Variants in ASAP1 observed in about 807,000 individuals in gnomAD.
ASAP1 encodes ArfGAP with SH3 domain, ankyrin repeat and PH domain 1.
Under a neutral mutation model 145.2 loss-of-function variants are expected in ASAP1, and 43 were observed. The observed-to-expected ratio is 0.30, with a 90% CI of 0.23 to 0.38. The LOEUF (loss-of-function observed/expected upper bound fraction) is 0.38, where lower values mean the gene tolerates loss of function less well. Among genes scored for constraint, ASAP1 ranks in the 10% least tolerant of loss-of-function variants. The pLI, the probability that ASAP1 is intolerant of heterozygous loss-of-function variation, is 1.00. For synonymous variants in ASAP1, 546 were observed against 515.5 expected (o/e 1.06, Z -0.80); for missense variants, 1,018 against 1,355.3 (o/e 0.75, Z 3.91).
At chr8:130,228,518 C>G (rs1003111002) in intron 4 of ASAP1, among the ~76,000 whole-genome samples, 2 of 151,764 alleles carry the variant, frequency 1.3e-5, no homozygotes, top group African/African-American at 4.8e-5. Context: ...CTGGGAAACA[C>G]GGCAAAACCA....
At chr8:130,129,258 C>T (rs983367089) in intron 15 of ASAP1, among the ~76,000 whole-genome samples, 13 of 152,252 alleles carry the variant, frequency 8.5e-5, no homozygotes, top group Non-Finnish European at 1.0e-4. Context: ...ACAGTATTTC[C>T]TTATAGCAGT....
chr8:130,193,171 C>A (rs1194396141), intron 5 of ASAP1, among the ~76,000 whole-genome samples: 1 of 152,112 alleles, frequency 6.6e-6, no homozygotes, highest in Non-Finnish European at 1.5e-5. Flanking sequence ...GAGTTTGAGA[C>A]CAGCCTGGCC....
At chr8:130,214,355 TTTTC>T (rs1343717683) in intron 5 of ASAP1, among the ~76,000 whole-genome samples, 197 bp downstream of exon 5, 1 of 152,186 alleles carries the variant, frequency 6.6e-6, no homozygotes, top group African/African-American at 2.4e-5. Flanking sequence ...CACAATGGGA[TTTTC>T]TTTAAGCAAA....
chr8:130,324,058 G>C (rs1586831126), intron 3 of ASAP1, among the ~76,000 whole-genome samples: 1 of 152,264 alleles, frequency 6.6e-6, no homozygotes, highest in African/African-American at 2.4e-5. Flanking sequence ...TTCCCTGCCA[G>C]CTCTGTTAGA....
chr8:130,087,558 C>G lies in ASAP1; in HGVS notation c.2572+4415G>C, dbSNP rs575869339. On this transcript the variant is annotated intron_variant, in intron 25 of 29. Coordinates refer to ENST00000518721, the MANE Select transcript of ASAP1 (RefSeq NM_018482.4). ...GAACTTGACAGGTGGAAACCTCCAC[C>G]TGGCTGAGGAAAGAGGCTAATGTGC... Among the ~76,000 whole-genome samples, 12 of 152,192 alleles carry G rather than the reference C, an allele frequency of 7.9e-5. No homozygotes were observed. The East Asian group carries it at 2.3e-3, about 29-fold the overall frequency.
chr8:130,337,696 T>C (rs1825120423), intron 3 of ASAP1, among the ~76,000 whole-genome samples: 1 of 152,204 alleles, frequency 6.6e-6, no homozygotes, highest in African/African-American at 2.4e-5. Context: ...CCTTCTGTAA[T>C]ACATCTGTTT....
chr8:130,081,676 T>G (rs962971821), intron 25 of ASAP1, among the ~76,000 whole-genome samples: 2 of 152,146 alleles, frequency 1.3e-5, no homozygotes, highest in African/African-American at 4.8e-5. Context: ...CATCCAGCCT[T>G]CCTTCCTCAC....
At chr8:130,230,064 CAAAACAAA>C (rs1001453213) in intron 4 of ASAP1, among the ~76,000 whole-genome samples, 1 of 61,682 alleles carries the variant, frequency 1.6e-5, no homozygotes, top group African/African-American at 7.8e-5. Flanking sequence ...ATCCTGTCTC[CAAAACAAA>C]CAAACAAACA....
At chr8:130,261,744 C>T (rs1819911532) in intron 3 of ASAP1, among the ~76,000 whole-genome samples, 1 of 151,976 alleles carries the variant, frequency 6.6e-6, no homozygotes, top group Admixed American at 6.6e-5. Context: ...AGTGTGAGTG[C>T]CTACATGGAA....
rs879754231 is a variant in ASAP1, at chr8:130,072,823, G to GCGCA, written c.2701+3524_2701+3525insTGCG. Among the ~76,000 whole-genome samples, 241 of 72,658 alleles carry GCGCA rather than the reference G, an allele frequency of 3.3e-3. 12 individuals are homozygous for GCGCA. The highest frequency in any genetic ancestry group is 9.9e-3 in the African/African-American group (158 of 15,990). 47.7% of individuals were successfully genotyped at this position (72,658 alleles called of 152,430 possible). A position where few individuals can be genotyped will look rare whatever the true frequency, so the allele number is the denominator to read the frequency against. On this transcript the variant is annotated intron_variant, in intron 27 of 29. Coordinates refer to ENST00000518721, the MANE Select transcript of ASAP1 (RefSeq NM_018482.4). ...TGTGTGTGTGTGTGTGTGTGTGTGTGTGCGCGCGGGGGGGGGCAGTTTTGG... is the reference window on the plus strand; with the variant it reads ...TGTGTGTGTGTGTGTGTGTGTGTGTGCGCATGCGCGCGGGGGGGGGCAGTTTTGG...
intron 3 of ASAP1, among the ~76,000 whole-genome samples, chr8:130,292,849 T>C (rs764248386): frequency 1.1e-4 from 17 of 152,230 alleles, no homozygotes; most frequent in Non-Finnish European, 5.9e-5. Flanking sequence ...TTTTATTACC[T>C]GTAAAGCAGA....
intron 24 of ASAP1, among the ~76,000 whole-genome samples, chr8:130,111,210 CAAAAAAAAA>C (rs768575084): frequency 2.4e-5 from 1 of 41,698 alleles, no homozygotes; most frequent in African/African-American, 1.0e-4. Context: ...TCATCTCTAC[CAAAAAAAAA>C]AAAAAAAAAA....
chr8:130,332,514 A>G (rs1285975779), intron 3 of ASAP1, among the ~76,000 whole-genome samples: 2 of 152,242 alleles, frequency 1.3e-5, no homozygotes, highest in Non-Finnish European at 2.9e-5. Context: ...TTTTACTTCA[A>G]CACTTCCAAA....
chr8:130,227,940 G>C (rs1817681057), intron 4 of ASAP1, among the ~76,000 whole-genome samples: 1 of 152,152 alleles, frequency 6.6e-6, no homozygotes, highest in South Asian at 2.1e-4. Flanking sequence ...TGGCGAGTCT[G>C]AGGGAAGGGC....
intron 3 of ASAP1, among the ~76,000 whole-genome samples, chr8:130,328,905 C>A (rs1268658517): frequency 6.6e-6 from 1 of 152,186 alleles, no homozygotes; most frequent in Non-Finnish European, 1.5e-5. Context: ...GTTGGGATTA[C>A]AGACATGGGT....
intron 13 of ASAP1, among the ~76,000 whole-genome samples, chr8:130,138,836 CAAAAAAAA>C (rs754901058): frequency 3.7e-5 from 3 of 81,430 alleles, no homozygotes; most frequent in African/African-American, 9.5e-5. Context: ...AACTCCGTCT[CAAAAAAAA>C]AAAAAAAAAA....
intron 3 of ASAP1, among the ~76,000 whole-genome samples, chr8:130,332,754 A>T (rs1824776895): frequency 6.6e-6 from 1 of 152,164 alleles, no homozygotes; most frequent in Non-Finnish European, 1.5e-5. Flanking sequence ...AATCTTTATT[A>T]ATTTTCCAAC....
chr8:130,418,398 A>ATTAGTCGGTCATGGTGGCATGAGCCTG (rs1829576010), intron 1 of ASAP1, among the ~76,000 whole-genome samples: 1 of 152,140 alleles, frequency 6.6e-6, no homozygotes, highest in Non-Finnish European at 1.5e-5. Flanking sequence ...AAATACAAAA[A>ATTAGTCGGTCATGGTGGCATGAGCCTG]TTAGTCGGTC....
intron 3 of ASAP1, among the ~76,000 whole-genome samples, chr8:130,282,250 A>G (rs746410210): frequency 2.0e-5 from 3 of 152,310 alleles, no homozygotes; most frequent in Middle Eastern, 3.4e-3. Context: ...CTAATAATCT[A>G]TATCTGGGAA....
Sources: allele counts gnomAD v4.1 joint callset (sites outside exome capture counted in the v4.1 genomes callset), GRCh38; gene constraint gnomAD v4.1.1; transcripts MANE v1.5; gene names NCBI Gene and HGNC (gene_info 2026-07-23, HGNC 2026-07-21).